PNLIPRP3: variants seen among roughly 807,000 people sequenced by gnomAD.
PNLIPRP3 encodes pancreatic lipase related protein 3.
In PNLIPRP3, 58 loss-of-function variants were observed where a neutral mutation model predicts 52.8. The ratio of observed to expected loss-of-function variants is 1.10; its 90% CI spans 0.89 to 1.37. The LOEUF is 1.37. Ranked by LOEUF, PNLIPRP3 falls within the 40% of genes most tolerant of loss-of-function variation. The probability of loss-of-function intolerance (pLI) is 0.00; values close to 1 mark genes in which losing one functional copy is unlikely to be tolerated. For synonymous variants in PNLIPRP3, 192 were observed against 185.0 expected (o/e 1.04, Z -0.31); for missense variants, 593 against 561.6 (o/e 1.06, Z -0.57).
In PNLIPRP3 at chr10:116,471,833, C is replaced by T. The variant is rs1323650857; in HGVS notation, c.1126C>T (p.Arg376Cys). The T allele has an allele frequency of 2.5e-6, 4 of 1,611,388 alleles. No individual in the cohort carries two copies. The highest frequency in any genetic ancestry group is 1.3e-5 in the African/African-American group (1 of 74,720). The change falls in exon 10 of 12, where the codon CGT (arginine) becomes TGT (cysteine). Residue 376 changes from arginine (R) to cysteine (C), a missense_variant. Coordinates refer to ENST00000369230, the MANE Select transcript of PNLIPRP3 (RefSeq NM_001011709.3). The part of the protein sequence containing the change: ...SEVTQGTVFL[R>C]VGGAVRKTGE... ...AGTCACTCAAGGAACTGTCTTTCTT[C>T]GTGTAGGCGGGGCAGTTAGGAAAAC... is the stretch of plus-strand genomic sequence containing the variant.
chr10:116,458,074 C>G (rs149325839), intron 5 of PNLIPRP3, among the ~76,000 whole-genome samples: 1 of 152,182 alleles, frequency 6.6e-6, no homozygotes, highest in African/African-American at 2.4e-5. Context: ...ATATTAAGGA[C>G]ATACATAAGT....
intron 7 of PNLIPRP3, among the ~76,000 whole-genome samples, chr10:116,461,865 C>A (rs1846197478): frequency 6.6e-6 from 1 of 152,022 alleles, no homozygotes; most frequent in African/African-American, 2.4e-5. Flanking sequence ...TCCAGGCCAA[C>A]AGGGGGAAGC....
intron 10 of PNLIPRP3, among the ~76,000 whole-genome samples, chr10:116,472,767 A>G (rs1400625667): frequency 6.6e-6 from 1 of 152,156 alleles, no homozygotes. Context: ...GTCTCCCACC[A>G]TTTGACTTTA....
intron 7 of PNLIPRP3, among the ~76,000 whole-genome samples, chr10:116,465,098 T>C (rs565280433): frequency 1.3e-5 from 2 of 152,286 alleles, no homozygotes; most frequent in South Asian, 4.1e-4. Flanking sequence ...GAACCCAAAG[T>C]GGGTAGCCCC....
chr10:116,469,169 C>T lies in PNLIPRP3; in HGVS notation c.928-16C>T. On this transcript the variant is annotated splice_polypyrimidine_tract_variant and intron_variant, in intron 8 of 11. Coordinates refer to ENST00000369230, the MANE Select transcript of PNLIPRP3 (RefSeq NM_001011709.3). The stretch of plus-strand genomic sequence containing the variant: ...TCTAATTACATAAGTAATCACCTTT[C>T]ATTTTCTGTCATCAGGGAAATTGCT... 1 of 1,607,514 alleles carries T rather than the reference C, an allele frequency of 6.2e-7. No homozygotes were observed. Among genetic ancestry groups the T allele is most frequent in the South Asian group, 1.1e-5 (1 of 88,864 alleles).
chr10:116,448,426 C>T (rs1023752235), intron 4 of PNLIPRP3, among the ~76,000 whole-genome samples: 4 of 151,600 alleles, frequency 2.6e-5, no homozygotes, highest in Admixed American at 6.6e-5. Context: ...AGAAAATACA[C>T]GAAAGATTTA....
At chr10:116,430,698 A>G (rs1032380147) in intron 1 of PNLIPRP3, among the ~76,000 whole-genome samples, 2 of 152,200 alleles carry the variant, frequency 1.3e-5, no homozygotes, top group African/African-American at 4.8e-5. Flanking sequence ...TTTAGATAAT[A>G]CATATATTTC....
chr10:116,428,677 T>C (rs1346566224), intron 1 of PNLIPRP3, among the ~76,000 whole-genome samples: 2 of 152,170 alleles, frequency 1.3e-5, no homozygotes, highest in Non-Finnish European at 2.9e-5. Flanking sequence ...GACATTACAA[T>C]GTAAGGAGTT....
At chr10:116,437,539 G>T (rs989448969) in intron 2 of PNLIPRP3, among the ~76,000 whole-genome samples, 1 of 152,156 alleles carries the variant, frequency 6.6e-6, no homozygotes, top group Non-Finnish European at 1.5e-5. Context: ...CAAAAGTAAG[G>T]TTAGTTAGAA....
chr10:116,460,846 A>G (rs1051252587), intron 5 of PNLIPRP3, 120 bp from the exon 6 acceptor site: 1 of 1,362,740 alleles, frequency 7.3e-7, no homozygotes, highest in South Asian at 1.4e-5. Context: ...ATGTATCTGT[A>G]CTTTTTCCTG....
At chr10:116,463,023 G>A (rs1331111015) in intron 7 of PNLIPRP3, among the ~76,000 whole-genome samples, 5 of 152,162 alleles carry the variant, frequency 3.3e-5, no homozygotes, top group East Asian at 1.9e-4. Flanking sequence ...CTAATGAACC[G>A]TCTTGTCTAA....
intron 9 of PNLIPRP3, among the ~76,000 whole-genome samples, chr10:116,470,787 C>A (rs1443147345): frequency 1.3e-5 from 2 of 152,110 alleles, no homozygotes; most frequent in Non-Finnish European, 2.9e-5. Context: ...GGATTACAGG[C>A]GTGAGGCCCC....
intron 10 of PNLIPRP3, among the ~76,000 whole-genome samples, chr10:116,473,769 C>T (rs898251127): frequency 1.3e-5 from 2 of 152,048 alleles, no homozygotes; most frequent in Non-Finnish European, 2.9e-5. Context: ...GATCCACCCA[C>T]TTCGGCCTCC....
rs942740768 is a variant in PNLIPRP3 at position 116,437,566 on chromosome 10, A to G, written c.204+701A>G. ...TAGTTAGAAAAGTAGTTGAGGAACA[A>G]ATTGTATAGTTCCTTCCTGTGGAGT... On this transcript the variant is annotated intron_variant, in intron 2 of 11. Transcript: ENST00000369230. 2.0e-5 allele frequency among the ~76,000 whole-genome samples: 3 copies of G among 152,128 alleles called. 1 individual carries two copies. The highest frequency in any genetic ancestry group is 7.2e-5 in the African/African-American group (3 of 41,432).
At chr10:116,461,381 C>A in intron 7 of PNLIPRP3, 91 bp downstream of exon 7, 1 of 1,407,416 alleles carries the variant, frequency 7.1e-7, no homozygotes, top group Non-Finnish European at 9.7e-7. Context: ...GTATAATATA[C>A]ATATAAAATG....
At chr10:116,457,008 C>T (rs1254326159) in intron 5 of PNLIPRP3, among the ~76,000 whole-genome samples, 2 of 152,214 alleles carry the variant, frequency 1.3e-5, no homozygotes, top group Non-Finnish European at 2.9e-5. Flanking sequence ...TTGTGTGAAG[C>T]CTCTTAGCTT....
intron 1 of PNLIPRP3, among the ~76,000 whole-genome samples, chr10:116,430,467 A>G (rs2133106718): frequency 6.6e-6 from 1 of 152,324 alleles, no homozygotes; most frequent in South Asian, 2.1e-4. Context: ...TCCTCCAGGC[A>G]CATTCAGCTG....
At chr10:116,463,676 G>A (rs1183428672) in intron 7 of PNLIPRP3, among the ~76,000 whole-genome samples, 2 of 152,114 alleles carry the variant, frequency 1.3e-5, no homozygotes, top group African/African-American at 2.4e-5. Flanking sequence ...CTGCAAATGG[G>A]TGAGGACCCA....
At chr10:116,464,395 C>T (rs1271094017) in intron 7 of PNLIPRP3, among the ~76,000 whole-genome samples, 2 of 152,220 alleles carry the variant, frequency 1.3e-5, no homozygotes, top group African/African-American at 4.8e-5. Flanking sequence ...CCTGCAGTGC[C>T]TCTGCTTGAG....
Sources: allele counts gnomAD v4.1 joint callset (sites outside exome capture counted in the v4.1 genomes callset), GRCh38; gene constraint gnomAD v4.1.1; transcripts MANE v1.5; gene names NCBI Gene and HGNC (gene_info 2026-07-23, HGNC 2026-07-21).